AFDN: variants seen among roughly 807,000 people sequenced by gnomAD.
AFDN encodes afadin, adherens junction formation factor, also known as afadin.
A neutral mutation model predicts 216.6 loss-of-function variants in AFDN; 68 were observed. The observed-to-expected ratio is 0.31, with a 90% CI of 0.26 to 0.38. The LOEUF (loss-of-function observed/expected upper bound fraction) is 0.38, where lower values mean the gene tolerates loss of function less well. Ranked by LOEUF, AFDN falls within the 10% of genes least tolerant of loss-of-function variation. The pLI, the probability that AFDN is intolerant of heterozygous loss-of-function variation, is 1.00. For missense variants in AFDN, 2,136 were observed against 2,342.0 expected, an observed-to-expected ratio of 0.91 and a Z score of 1.82; for synonymous variants, 868 against 853.7, an observed-to-expected ratio of 1.02 and a Z score of -0.29.
rs367845650 is a variant in AFDN at position 167,911,752 on chromosome 6, G to T, written c.2037+263G>T. ...GTTGTGAGAAAGTGCTGAGACTGTT[G>T]TGGGCTTTTGTAGAATTTTTTCTGT... On this transcript the variant is annotated intron_variant, in intron 15 of 33. Transcript: ENST00000683244. 7 of 449,422 alleles carry T rather than the reference G, an allele frequency of 1.6e-5. No homozygotes were observed. In the East Asian group the frequency reaches 2.9e-4, roughly 18 times the overall value. 27.8% of individuals were successfully genotyped at this position (449,422 alleles called of 1,614,324 possible). A position where few individuals can be genotyped will look rare whatever the true frequency, so the allele number is the denominator to read the frequency against.
intron 1 of AFDN, among the ~76,000 whole-genome samples, chr6:167,839,977 C>T (rs1780879704): frequency 6.6e-6 from 1 of 152,118 alleles, no homozygotes; most frequent in Non-Finnish European, 1.5e-5. Context: ...CACAGTGGTG[C>T]CGCGCTGAGC....
chr6:167,840,239 A>G (rs1214202680), intron 1 of AFDN, among the ~76,000 whole-genome samples: 1 of 152,208 alleles, frequency 6.6e-6, no homozygotes, highest in Non-Finnish European at 1.5e-5. Flanking sequence ...TTATTTAAAA[A>G]CATTCAATTT....
intron 1 of AFDN, among the ~76,000 whole-genome samples, chr6:167,835,620 T>C (rs2128104208): frequency 6.6e-6 from 1 of 152,348 alleles, no homozygotes; most frequent in South Asian, 2.1e-4. Context: ...GTTTGCATGG[T>C]AGTAAAAAAT....
At chr6:167,913,461 C>T (rs1017867439) in intron 16 of AFDN, 38 bp downstream of exon 16, 30 of 1,532,346 alleles carry the variant, frequency 2.0e-5, no homozygotes, top group Non-Finnish European at 2.2e-5. Context: ...AGCTGTGTTG[C>T]TTAGCCAAGT....
intron 1 of AFDN, among the ~76,000 whole-genome samples, chr6:167,840,861 G>T (rs1472176299): frequency 6.6e-6 from 1 of 152,206 alleles, no homozygotes; most frequent in Non-Finnish European, 1.5e-5. Flanking sequence ...CCTGGCAGCC[G>T]AGTCTGTGGA....
In AFDN at chr6:167,965,920, C is replaced by G; in HGVS notation, c.5132C>G (p.Pro1711Arg). The G allele has an allele frequency of 6.5e-7, 1 of 1,550,254 alleles. No individual in the cohort carries two copies. The highest frequency in any genetic ancestry group is 8.7e-7 in the Non-Finnish European group (1 of 1,146,754). Residue 1711 changes from proline (P) to arginine (R), a missense_variant, in exon 32 of 34, where the codon CCT becomes CGT. This residue lies in a region of AFDN where 981 missense variants were observed against 966.0 expected (regional missense o/e 1.02). Transcript: ENST00000683244. ...PPSPSPAPGA[P>R]PPPPQRNASY... ...TCCCCGTCCCCCGCGCCCGGCGCCC[C>G]TCCTCCCCCGCCTCAGCGAAACGCC...
At chr6:167,860,094 T>G (rs1421412236) in intron 1 of AFDN, among the ~76,000 whole-genome samples, 1 of 150,966 alleles carries the variant, frequency 6.6e-6, no homozygotes, top group Non-Finnish European at 1.5e-5. Context: ...AATAGAAACT[T>G]CTTTCTGAAA....
chr6:167,886,892 G>A (rs573450413), intron 6 of AFDN, among the ~76,000 whole-genome samples: 133 of 152,086 alleles, frequency 8.7e-4, no homozygotes, highest in African/African-American at 3.1e-3. Context: ...GTGGGCACCT[G>A]TAATCCCAGC....
rs532733933 is a variant in AFDN, at chr6:167,898,329, C to T, written c.1442C>T (p.Thr481Ile). ...GAAGGCCAGCGCATCTCAGAAACCACCATGCTGCAGAGTGGCATGAAAGTG... is the reference window on the plus strand; with the variant it reads ...GAAGGCCAGCGCATCTCAGAAACCATCATGCTGCAGAGTGGCATGAAAGTG... ...YVEGQRISET[T>I]MLQSGMKVQF... The change falls in exon 11 of 34, where the codon ACC (threonine) becomes ATC (isoleucine). Residue 481 changes from threonine (T) to isoleucine (I), a missense_variant. By Grantham distance (89) the Thr-to-Ile change is moderately conservative. This residue lies in a region of AFDN where 817 missense variants were observed against 965.7 expected (regional missense o/e 0.85). Coordinates refer to ENST00000683244, the MANE Select transcript of AFDN (RefSeq NM_001386888.1). The T allele has an allele frequency of 1.3e-5, 21 of 1,614,022 alleles. No homozygotes were observed. The South Asian group carries it at 2.3e-4, about 18-fold the overall frequency.
chr6:167,962,953 G>T lies in AFDN; in HGVS notation c.4968+386G>T. ...AATGGCATGTGGACCGTGGGAAGCAGTAGGAGCGTAGTAAGACAGTTGGCT... is the reference window on the plus strand; with the variant it reads ...AATGGCATGTGGACCGTGGGAAGCATTAGGAGCGTAGTAAGACAGTTGGCT... On this transcript the variant is annotated intron_variant, in intron 31 of 33. Coordinates refer to ENST00000683244, the MANE Select transcript of AFDN (RefSeq NM_001386888.1). This position sits in a 1 kb window ranked among gnomAD's most constrained non-coding sequence, Gnocchi z 5.2. 1 of 1,115,494 alleles carries T rather than the reference G, an allele frequency of 9.0e-7. No individual in the cohort carries two copies. The highest frequency in any genetic ancestry group is 3.9e-5 in the South Asian group (1 of 25,788). The allele number at this position is 1,115,494 out of a possible 1,614,324, so 69.1% of individuals were successfully genotyped here.
intron 1 of AFDN, among the ~76,000 whole-genome samples, chr6:167,833,175 G>C (rs1436294281): frequency 6.6e-6 from 1 of 152,074 alleles, no homozygotes; most frequent in Non-Finnish European, 1.5e-5. Flanking sequence ...CTTCCTCTTC[G>C]GTAGGGTGGA....
chr6:167,965,638 G>A, intron 31 of AFDN, 119 bp from the exon 32 acceptor site: 1 of 924,458 alleles, frequency 1.1e-6, no homozygotes, highest in Non-Finnish European at 1.6e-6. Flanking sequence ...CATAGTAATT[G>A]TAACTATTAA....
At chr6:167,883,216 AACGGCACAC>A (rs1344098868) in intron 6 of AFDN, among the ~76,000 whole-genome samples, 1 of 152,108 alleles carries the variant, frequency 6.6e-6, no homozygotes, top group East Asian at 1.9e-4. Context: ...AGTAGTGCTG[AACGGCACAC>A]ACTTGAGATT....
intron 6 of AFDN, among the ~76,000 whole-genome samples, chr6:167,885,923 G>A (rs552564779): frequency 6.6e-6 from 1 of 152,290 alleles, no homozygotes; most frequent in East Asian, 1.9e-4. Flanking sequence ...CATGAGCAAA[G>A]AGAAAGTTAA....
Position 167,922,081 on chromosome 6 carries a change from G to A in AFDN, c.2909-775G>A, listed in dbSNP as rs558908456. Among the ~76,000 whole-genome samples, 4 of 152,346 alleles carry A rather than the reference G, an allele frequency of 2.6e-5. No individual in the cohort carries two copies. The South Asian group carries it at 8.3e-4, about 32-fold the overall frequency. On this transcript the variant is annotated intron_variant, in intron 21 of 33. Coordinates refer to ENST00000683244, the MANE Select transcript of AFDN (RefSeq NM_001386888.1). ...TCTTGATGAATGTTAGGTGCTGATA[G>A]TGGGAAGAAGATGGCAGTAGAGAAA... is the stretch of plus-strand genomic sequence containing the variant.
chr6:167,966,252 C>G (rs1797551314), intron 32 of AFDN: 3 of 1,527,128 alleles, frequency 2.0e-6, no homozygotes, highest in Non-Finnish European at 2.6e-6. Context: ...CAGCTCCTAC[C>G]ATCCCAGCCA....
chr6:167,925,876 T>C (rs1792461251), intron 23 of AFDN, among the ~76,000 whole-genome samples: 1 of 152,238 alleles, frequency 6.6e-6, no homozygotes, highest in Non-Finnish European at 1.5e-5. Flanking sequence ...TTAGCTAATA[T>C]TCAGTAACTA....
At chr6:167,841,796 T>C (rs1351637034) in intron 1 of AFDN, among the ~76,000 whole-genome samples, 3 of 152,082 alleles carry the variant, frequency 2.0e-5, no homozygotes, top group African/African-American at 4.8e-5. Flanking sequence ...ATGATTGTTA[T>C]CTATTTTATT....
rs534343575 is a variant in AFDN at position 167,908,863 on chromosome 6, G to C, written c.1769+1574G>C. Among the ~76,000 whole-genome samples, 12 of 152,258 alleles carry C rather than the reference G, an allele frequency of 7.9e-5. No individual in the cohort carries two copies. In the East Asian group the frequency reaches 2.1e-3, roughly 27 times the overall value. ...CCATTCTTTGTTTTTCACATGGGCA[G>C]TGTTATAATAAGCACTACTTAATTT... is the stretch of plus-strand genomic sequence containing the variant. On this transcript the variant is annotated intron_variant, in intron 13 of 33. Transcript: ENST00000683244.
Sources: allele counts gnomAD v4.1 joint callset (sites outside exome capture counted in the v4.1 genomes callset), GRCh38; gene constraint gnomAD v4.1.1; regional missense constraint gnomAD v4.1.1; non-coding constraint Gnocchi (gnomAD v3.1); transcripts MANE v1.5; gene names NCBI Gene and HGNC (gene_info 2026-07-23, HGNC 2026-07-21).